Variants in ARHGEF2 observed in about 807,000 individuals in gnomAD.
ARHGEF2 encodes rho guanine nucleotide exchange factor 2.
A neutral mutation model predicts 121.0 loss-of-function variants in ARHGEF2; 22 were observed. That is an observed-to-expected ratio of 0.18 (90% CI 0.13 to 0.26). The LOEUF (loss-of-function observed/expected upper bound fraction) is 0.26. Ranked by LOEUF, ARHGEF2 falls within the 10% of genes least tolerant of loss-of-function variation. The pLI is 1.00. For synonymous variants in ARHGEF2, 487 were observed against 530.0 expected (o/e 0.92, Z 1.11); for missense variants, 907 against 1,336.0 (o/e 0.68, Z 5.01).
At chr1:155,975,952 T>A (rs1681226331) in intron 1 of ARHGEF2, among the ~76,000 whole-genome samples, 2 of 151,938 alleles carry the variant, frequency 1.3e-5, no homozygotes, top group South Asian at 4.2e-4. Context: ...GGTGGAGGAC[T>A]GAAGACAGCC....
rs1558043883 is a variant in ARHGEF2 at position 155,969,285 on chromosome 1, T to C, written c.79A>G (p.Lys27Glu). Residue 27 changes from lysine (K) to glutamate (E), a missense_variant, in exon 2 of 22, where the codon AAG (lysine) becomes GAG (glutamate). Lys to Glu is a moderately conservative substitution (Grantham distance 56, BLOSUM62 1). Coordinates refer to ENST00000361247, the MANE Select transcript of ARHGEF2 (RefSeq NM_001162383.2). Reference protein sequence around the residue: ...ELASKTREKEKMKEAKDARYT... With the variant: ...ELASKTREKEEMKEAKDARYT... ...CGGGCATCCTTGGCTTCCTTCATCT[T>C]CTCCTTTTCCCGGGTCTGTGGAAGG... 6.2e-7 allele frequency: 1 copy of C among 1,614,034 alleles called. No individual in the cohort carries two copies. The highest frequency in any genetic ancestry group is 1.1e-5 in the South Asian group (1 of 91,074).
intron 13 of ARHGEF2, among the ~76,000 whole-genome samples, chr1:155,955,728 T>A (rs1209180173): frequency 6.6e-6 from 1 of 152,184 alleles, no homozygotes; most frequent in Non-Finnish European, 1.5e-5. Context: ...TTATAATTTT[T>A]TTTTTGAGAG....
At position 155,963,053 on chromosome 1, in the gene ARHGEF2, C is replaced by T; in HGVS notation, c.855G>A (p.Glu285=). The T allele has an allele frequency of 1.9e-6, 3 of 1,614,172 alleles. No homozygotes were observed. Among genetic ancestry groups the T allele is most frequent in the Non-Finnish European group, 2.5e-6 (3 of 1,180,042 alleles). Residue 285 remains glutamate (E), a synonymous_variant, in exon 8 of 22, where the codon GAG becomes GAA. Coordinates refer to ENST00000361247, the MANE Select transcript of ARHGEF2 (RefSeq NM_001162383.2). ...VVQGLFPCVD[E]LSDIHTRFLS... ...GGAAGCGTGTATGGATGTCACTGAG[C>T]TCGTCCACGCAGGGGAACAGGCCCT...
chr1:155,976,732 A>C (rs1681365931), intron 1 of ARHGEF2, among the ~76,000 whole-genome samples: 1 of 147,960 alleles, frequency 6.8e-6, no homozygotes, highest in African/African-American at 2.5e-5. Context: ...CCTTGGCTCT[A>C]CTCCAGGGTC....
At chr1:155,974,852 A>AGGG in intron 1 of ARHGEF2, among the ~76,000 whole-genome samples, 1 of 151,300 alleles carries the variant, frequency 6.6e-6, no homozygotes, top group South Asian at 2.1e-4. Flanking sequence ...GCAGAAAGAG[A>AGGG]GGGGGGGTAA....
chr1:155,951,491 C>G lies in ARHGEF2; in HGVS notation c.2251G>C (p.Gly751Arg), dbSNP rs1675447671. Reference protein sequence around the residue: ...RLVNLYGLLHGLQAAVAQQDT... With the variant: ...RLVNLYGLLHRLQAAVAQQDT... The stretch of plus-strand genomic sequence containing the variant: ...GCCCTTGTCCTACTGACCTGTAGGC[C>G]ATGTAGAAGTCCATAGAGATTGACC... The change falls in exon 19 of 22, where the codon GGC (glycine) becomes CGC (arginine). Residue 751 changes from glycine (G) to arginine (R), a missense_variant. This residue lies in a region of ARHGEF2 where 432 missense variants were observed against 559.5 expected (regional missense o/e 0.77). Coordinates refer to ENST00000361247, the MANE Select transcript of ARHGEF2 (RefSeq NM_001162383.2). This position sits in a 1 kb window ranked among gnomAD's most constrained non-coding sequence, Gnocchi z 5.1. 5 of 1,614,146 alleles carry G rather than the reference C, an allele frequency of 3.1e-6. No individual in the cohort carries two copies. The highest frequency in any genetic ancestry group is 4.2e-6 in the Non-Finnish European group (5 of 1,180,030).
At chr1:155,948,068 C>A in intron 21 of ARHGEF2, 53 bp from the exon 22 acceptor site, 3 of 1,464,728 alleles carry the variant, frequency 2.0e-6, no homozygotes, top group Non-Finnish European at 2.8e-6. Context: ...CCATGAGGAA[C>A]TGTACCCCTA....
chr1:155,949,658 C>A (rs894177896), intron 21 of ARHGEF2, among the ~76,000 whole-genome samples: 1 of 151,448 alleles, frequency 6.6e-6, no homozygotes, highest in African/African-American at 2.4e-5. Flanking sequence ...ACAGGTGGAT[C>A]GCGAGGTCAG....
At chr1:155,971,024 C>G (rs1483201119) in intron 1 of ARHGEF2, 2 of 986,362 alleles carry the variant, frequency 2.0e-6, no homozygotes, top group Non-Finnish European at 2.4e-6. Context: ...CCCGCTCTGC[C>G]TTCCCTTTCT....
In ARHGEF2 at chr1:155,950,319, G is replaced by A; in HGVS notation, c.2867C>T (p.Ser956Phe). The change falls in exon 21 of 22, where the codon TCT (serine) becomes TTT (phenylalanine). Residue 956 changes from serine to phenylalanine, a missense_variant. Coordinates refer to ENST00000361247, the MANE Select transcript of ARHGEF2 (RefSeq NM_001162383.2). The surrounding 1 kb of genome is among the most constrained non-coding windows in gnomAD (Gnocchi z 5.2). ...GSEEEGSSRL[S>F]PPHSPRDFTR... ...CTCACCTCGTGGACTGTGGGGCGGA[G>A]ACAGACGGCTGCTACCTTCCTCCTC... The A allele has an allele frequency of 6.2e-7, 1 of 1,613,198 alleles. No individual in the cohort carries two copies. Among genetic ancestry groups the A allele is most frequent in the Non-Finnish European group, 8.5e-7 (1 of 1,179,992 alleles).
intron 13 of ARHGEF2, among the ~76,000 whole-genome samples, chr1:155,955,928 C>G (rs1210728995): frequency 1.3e-5 from 2 of 151,978 alleles, no homozygotes; most frequent in Non-Finnish European, 2.9e-5. Flanking sequence ...GTTGGCCAGG[C>G]TGGTCTCGAA....
At position 155,965,219 on chromosome 1, in the gene ARHGEF2, C is replaced by A. The variant is rs2102672096; in HGVS notation, c.580+84G>T. The A allele has an allele frequency of 3.1e-6, 5 of 1,607,242 alleles. No individual in the cohort carries two copies. In the South Asian group the frequency reaches 5.5e-5, roughly 18 times the overall value. ...TTCTCTAGATCCCTTCCCTCCTTGT[C>A]CTTCCAGGCTACTCCCACCAGCCTC... On this transcript the variant is annotated intron_variant, in intron 6 of 21. Coordinates refer to ENST00000361247, the MANE Select transcript of ARHGEF2 (RefSeq NM_001162383.2). This position sits in a 1 kb window ranked among gnomAD's most constrained non-coding sequence, Gnocchi z 6.0.
rs1048426379 is a variant in ARHGEF2 at position 155,965,504 on chromosome 1, C to A, written c.471-92G>T. 1 of 1,598,536 alleles carries A rather than the reference C, an allele frequency of 6.3e-7. No homozygotes were observed. The highest frequency in any genetic ancestry group is 1.1e-5 in the South Asian group (1 of 90,364). On this transcript the variant is annotated intron_variant, in intron 5 of 21. Transcript: ENST00000361247. This position sits in a 1 kb window ranked among gnomAD's most constrained non-coding sequence, Gnocchi z 6.0. ...CCAAAGCCAGGATCCAAGAGGCGGT[C>A]CCCCTAAGTTCTCCTTATTTGTCTG...
rs143257835 is a variant in ARHGEF2 at position 155,947,381 on chromosome 1, T to A, written c.*561A>T. 5.9e-5 allele frequency: 27 copies of A among 456,546 alleles called. No individual in the cohort carries two copies. The highest frequency in any genetic ancestry group is 5.2e-4 in the African/African-American group (26 of 50,142). The allele number at this position is 456,546 out of a possible 1,614,324, so 28.3% of individuals were successfully genotyped here. ...GCCAGGTTATCTCCCAGGGCTTCCA[T>A]GAAGGACGGAGAAAGGGAGAACAGC... is the stretch of plus-strand genomic sequence containing the variant. On this transcript the variant is annotated 3_prime_UTR_variant, in exon 22 of 22. Coordinates refer to ENST00000361247, the MANE Select transcript of ARHGEF2 (RefSeq NM_001162383.2).
chr1:155,966,953 G>T, intron 2 of ARHGEF2, 66 bp from the exon 3 acceptor site: 1 of 1,462,606 alleles, frequency 6.8e-7, no homozygotes, highest in Non-Finnish European at 9.6e-7. Flanking sequence ...ACACCCACAT[G>T]CAGACACCCA....
At chr1:155,971,124 G>C in intron 1 of ARHGEF2, 1 of 985,072 alleles carries the variant, frequency 1.0e-6, no homozygotes, top group African/African-American at 1.7e-5. Context: ...CTCTACCTAG[G>C]CTTATTCAGG....
chr1:155,954,733 T>G (rs1368728533), intron 14 of ARHGEF2, among the ~76,000 whole-genome samples, 169 bp downstream of exon 14: 1 of 151,840 alleles, frequency 6.6e-6, no homozygotes, highest in Non-Finnish European at 1.5e-5. Context: ...ACACACATGG[T>G]AGTATACACT....
intron 15 of ARHGEF2, 52 bp from the exon 16 acceptor site, chr1:155,952,287 G>A (rs1420781057): frequency 6.2e-7 from 1 of 1,606,320 alleles, no homozygotes; most frequent in Non-Finnish European, 8.5e-7. Context: ...GACCCTGAGG[G>A]GAATGCCATT....
At chr1:155,949,763 G>A (rs1557987114) in intron 21 of ARHGEF2, among the ~76,000 whole-genome samples, 1 of 151,624 alleles carries the variant, frequency 6.6e-6, no homozygotes, top group Non-Finnish European at 1.5e-5. Flanking sequence ...TGTAATCCTA[G>A]CTACTTGGGA....
Sources: gnomAD v4.1 joint callset for allele counts (sites outside exome capture counted in the v4.1 genomes callset) on GRCh38, gnomAD v4.1.1 for gene constraint, gnomAD v4.1.1 regional missense constraint, Gnocchi (gnomAD v3.1) non-coding constraint, MANE v1.5 for transcripts, NCBI Gene and HGNC (gene_info 2026-07-23, HGNC 2026-07-21) for gene names.